ZFHX3: variants seen among roughly 807,000 people sequenced by gnomAD.
The protein encoded by ZFHX3 is zinc finger homeobox protein 3.
ZFHX3 carries 42 observed loss-of-function variants against 279.1 expected under a neutral mutation model. The observed-to-expected ratio is 0.15, with a 90% CI of 0.12 to 0.19. The LOEUF (loss-of-function observed/expected upper bound fraction) is 0.19. Ranked by LOEUF, ZFHX3 falls within the 10% of genes least tolerant of loss-of-function variation. The pLI is 1.00. For missense variants in ZFHX3, 4,981 were observed against 4,754.0 expected (o/e 1.05, Z -1.40); for synonymous variants, 2,293 against 1,957.8 (o/e 1.17, Z -4.52).
At chr16:73,075,453 A>G (rs535955379) in intron 8 of ZFHX3, among the ~76,000 whole-genome samples, 2 of 152,168 alleles carry the variant, frequency 1.3e-5, no homozygotes, top group African/African-American at 4.8e-5. Flanking sequence ...ATGATTTAGT[A>G]CCTAATACTT....
chr16:73,659,304 G>A (rs1440425614), intron 2 of ZFHX3, among the ~76,000 whole-genome samples: 1 of 152,114 alleles, frequency 6.6e-6, no homozygotes, highest in Non-Finnish European at 1.5e-5. Context: ...CTTGTCTGCT[G>A]GAGGACTCAG....
intron 1 of ZFHX3, among the ~76,000 whole-genome samples, chr16:73,731,466 GTT>G (rs112578865): frequency 1.2e-3 from 169 of 145,460 alleles, no homozygotes; most frequent in African/African-American, 3.9e-3. Context: ...TAAAAAGGGT[GTT>G]TTTTTTTTTG....
chr16:73,746,360 G>A lies in ZFHX3; in HGVS notation c.-1607-66120C>T, dbSNP rs148660048. 6.5e-3 allele frequency among the ~76,000 whole-genome samples: 992 copies of A among 152,234 alleles called. 12 individuals carry two copies. The highest frequency in any genetic ancestry group is 0.022 in the African/African-American group (915 of 41,542). ...CAGGGTTCCTTTGTCTCTTATTTAC[G>A]ATTTTTATTATAAATCTCTTTCTTA... On this transcript the variant is annotated intron_variant, in intron 1 of 17. Transcript: ENST00000641206.
At chr16:73,127,552 C>T (rs1388657960) in intron 7 of ZFHX3, 1 of 1,305,466 alleles carries the variant, frequency 7.7e-7, no homozygotes, top group South Asian at 1.2e-5. Flanking sequence ...GCTTTGGGCT[C>T]AGCCGAGCTG....
At chr16:72,825,939 G>A (rs917558863) in intron 5 of ZFHX3, among the ~76,000 whole-genome samples, 5 of 152,160 alleles carry the variant, frequency 3.3e-5, no homozygotes, top group South Asian at 2.1e-4. Context: ...AGTTCCATTC[G>A]ACAGCACTGA....
intron 1 of ZFHX3, among the ~76,000 whole-genome samples, chr16:73,799,837 T>C (rs1340406643): frequency 6.6e-6 from 1 of 152,142 alleles, no homozygotes; most frequent in African/African-American, 2.4e-5. Flanking sequence ...AGTCCCAATA[T>C]TGACTTTTGT....
chr16:73,006,573 G>A (rs968312284), intron 1 of ZFHX3, among the ~76,000 whole-genome samples: 6 of 151,590 alleles, frequency 4.0e-5, no homozygotes, highest in Non-Finnish European at 8.8e-5. Context: ...AGCCATGATT[G>A]CACCACTGCA....
chr16:73,386,379 A>G (rs1324821136), intron 3 of ZFHX3, among the ~76,000 whole-genome samples: 1 of 152,216 alleles, frequency 6.6e-6, no homozygotes, highest in East Asian at 1.9e-4. Context: ...GCATATATGA[A>G]TAAGCAACTT....
In ZFHX3 at chr16:73,526,703, G is replaced by A. The variant is rs868735625; in HGVS notation, c.-1546-70445C>T. 2.6e-5 allele frequency among the ~76,000 whole-genome samples: 4 copies of A among 152,158 alleles called. No homozygotes were observed. In the South Asian group the frequency reaches 6.2e-4, roughly 24 times the overall value. ...ACCATGTTTATCTGAGCCAAGGGAA[G>A]CAGGAGAATGATGACACTTCCAGTG... is the stretch of plus-strand genomic sequence containing the variant. On this transcript the variant is annotated intron_variant, in intron 2 of 17. Transcript: ENST00000641206.
intron 4 of ZFHX3, among the ~76,000 whole-genome samples, chr16:72,855,348 A>G (rs2037730218): frequency 6.6e-6 from 1 of 152,224 alleles, no homozygotes; most frequent in Non-Finnish European, 1.5e-5. Context: ...TGTGTGTGAG[A>G]GCATGAGTGA....
chr16:73,539,325 G>T (rs1285207715), intron 2 of ZFHX3, among the ~76,000 whole-genome samples: 1 of 148,854 alleles, frequency 6.7e-6, no homozygotes, highest in African/African-American at 2.5e-5. Context: ...GATTTTACGC[G>T]CCCACCCGCC....
intron 1 of ZFHX3, among the ~76,000 whole-genome samples, chr16:72,972,188 C>T (rs1681048889): frequency 2.0e-5 from 3 of 152,092 alleles, no homozygotes; most frequent in Non-Finnish European, 1.5e-5. Flanking sequence ...CATTCATGCC[C>T]GGCCTTGCCT....
intron 5 of ZFHX3, among the ~76,000 whole-genome samples, chr16:72,819,043 T>G (rs1451085376): frequency 6.6e-6 from 1 of 152,216 alleles, no homozygotes; most frequent in Non-Finnish European, 1.5e-5. Flanking sequence ...TAGTTGTTAT[T>G]ATTACGATTT....
chr16:73,743,801 G>A (rs1423881318), intron 1 of ZFHX3, among the ~76,000 whole-genome samples: 1 of 152,028 alleles, frequency 6.6e-6, no homozygotes, highest in Non-Finnish European at 1.5e-5. Flanking sequence ...AGAAATGATG[G>A]ACAGAGCCCT....
chr16:73,333,068 GAC>G (rs1200542307), intron 3 of ZFHX3, among the ~76,000 whole-genome samples: 1 of 151,736 alleles, frequency 6.6e-6, no homozygotes, highest in East Asian at 1.9e-4. Context: ...AGTTTTAGGA[GAC>G]AAAGATTTTA....
At chr16:72,972,475 G>C (rs574117586) in intron 1 of ZFHX3, among the ~76,000 whole-genome samples, 1 of 152,210 alleles carries the variant, frequency 6.6e-6, no homozygotes, top group Non-Finnish European at 1.5e-5. Flanking sequence ...TCCTTTATGT[G>C]ATTATAAAGG....
rs141421968 is a variant in ZFHX3 at position 73,871,235 on chromosome 16, G to A, written c.-1608+20416C>T. Among the ~76,000 whole-genome samples, 45 of 152,266 alleles carry A rather than the reference G, an allele frequency of 3.0e-4. No homozygotes were observed. The East Asian group carries it at 8.1e-3, about 27-fold the overall frequency. On this transcript the variant is annotated intron_variant, in intron 1 of 17. Transcript: ENST00000641206. ...CCCTGACTGGAAAGCAAGAAATGCT[G>A]GAAAGTTGTGCACCAGGAATGAGCA...
intron 2 of ZFHX3, among the ~76,000 whole-genome samples, chr16:73,465,679 C>A (rs1340237625): frequency 6.6e-6 from 1 of 152,172 alleles, no homozygotes; most frequent in Non-Finnish European, 1.5e-5. Flanking sequence ...GAATGCTCAG[C>A]TCTGGGTCTT....
At chr16:73,367,286 T>C (rs964226627) in intron 3 of ZFHX3, among the ~76,000 whole-genome samples, 2 of 152,200 alleles carry the variant, frequency 1.3e-5, no homozygotes, top group South Asian at 2.1e-4. Context: ...CATGAGGCTA[T>C]TGAACCAAGA....
Sources: gnomAD v4.1 joint callset for allele counts (sites outside exome capture counted in the v4.1 genomes callset) on GRCh38, gnomAD v4.1.1 for gene constraint, MANE v1.5 for transcripts, NCBI Gene and HGNC (gene_info 2026-07-23, HGNC 2026-07-21) for gene names.